SPOP: variants seen among roughly 807,000 people sequenced by gnomAD.
SPOP encodes speckle type BTB/POZ protein, also known as speckle-type POZ protein.
In SPOP, 11 loss-of-function variants were observed where a neutral mutation model predicts 45.6. That is an observed-to-expected ratio of 0.24 (90% CI 0.15 to 0.40). SPOP has a LOEUF of 0.40. Among genes scored for constraint, SPOP ranks in the 10% least tolerant of loss-of-function variants. The pLI is 1.00. For missense variants in SPOP, 152 were observed against 465.6 expected (o/e 0.33, Z 6.20); for synonymous variants, 166 against 166.3 (o/e 1.00, Z 0.01).
At chr17:49,622,662 G>T in intron 2 of SPOP, 71 bp downstream of exon 2, 1 of 1,341,970 alleles carries the variant, frequency 7.5e-7, no homozygotes, top group Non-Finnish European at 1.1e-6. Context: ...ATGTAGAAAA[G>T]CAATCCTACT....
chr17:49,618,638 A>G (rs1399256471), intron 5 of SPOP: 4 of 459,580 alleles, frequency 8.7e-6, no homozygotes, highest in Non-Finnish European at 1.3e-5. Flanking sequence ...CAGAAAGTAT[A>G]AACAACAGAT....
At chr17:49,610,500 T>A (rs1345233531) in intron 6 of SPOP, among the ~76,000 whole-genome samples, 1 of 152,246 alleles carries the variant, frequency 6.6e-6, no homozygotes, top group Non-Finnish European at 1.5e-5. Flanking sequence ...ATGACAGGCA[T>A]GAGCCACCGC....
At chr17:49,633,572 T>A (rs1030694834) in intron 1 of SPOP, among the ~76,000 whole-genome samples, 3 of 152,212 alleles carry the variant, frequency 2.0e-5, no homozygotes, top group African/African-American at 7.2e-5. Context: ...CAAGTTAAGT[T>A]AGGGCAGGGG....
chr17:49,677,925 C>G lies in SPOP; in HGVS notation c.-67+8G>C, dbSNP rs2073226563. The G allele has an allele frequency of 2.5e-6, 1 of 396,006 alleles. No homozygotes were observed. Among genetic ancestry groups the G allele is most frequent in the Non-Finnish European group, 4.5e-6 (1 of 224,598 alleles). The allele number at this position is 396,006 out of a possible 1,614,324, so 24.5% of individuals were successfully genotyped here. ...ACCCCCTCCCTCGACTCTCCTCCCCCCACTCACCTGAGAGCGGCGGCGACA... is the reference window on the plus strand; with the variant it reads ...ACCCCCTCCCTCGACTCTCCTCCCCGCACTCACCTGAGAGCGGCGGCGACA... On this transcript the variant is annotated splice_region_variant and intron_variant, in intron 1 of 9. Coordinates refer to ENST00000504102, the MANE Select transcript of SPOP (RefSeq NM_001007228.2).
Position 49,619,837 on chromosome 17 carries a change from C to T in SPOP, c.201-452G>A, listed in dbSNP as rs966042852. Among the ~76,000 whole-genome samples, 1 of 152,028 alleles carries T rather than the reference C, an allele frequency of 6.6e-6. No individual in the cohort carries two copies. Among genetic ancestry groups the T allele is most frequent in the Non-Finnish European group, 1.5e-5 (1 of 67,986 alleles). On this transcript the variant is annotated intron_variant, in intron 3 of 9. Transcript: ENST00000504102. This position sits in a 1 kb window ranked among gnomAD's most constrained non-coding sequence, Gnocchi z 4.9. ...ACCACACCTGGCTGGGAACCACTTT[C>T]GTAAAGCAAAATGGGTCACCTTTTA...
At chr17:49,675,267 A>G (rs1410684531) in intron 1 of SPOP, among the ~76,000 whole-genome samples, 3 of 152,242 alleles carry the variant, frequency 2.0e-5, no homozygotes, top group Admixed American at 1.3e-4. Flanking sequence ...CATCTACACA[A>G]TGGAATTATC....
intron 6 of SPOP, among the ~76,000 whole-genome samples, chr17:49,609,989 TAAG>T (rs2071934964): frequency 1.3e-5 from 2 of 151,868 alleles, no homozygotes; most frequent in Non-Finnish European, 2.9e-5. Flanking sequence ...GCAGGTGAGG[TAAG>T]AAGCAAGAGT....
At chr17:49,640,826 A>G (rs10853111) in intron 1 of SPOP, among the ~76,000 whole-genome samples, 96,825 of 151,956 alleles carry the variant, frequency 0.64, 31,369 homozygotes, top group East Asian at 0.78. Context: ...CCTCAGAATA[A>G]GCCCATTCCT....
intron 1 of SPOP, among the ~76,000 whole-genome samples, chr17:49,629,674 C>A (rs1440549562): frequency 6.6e-6 from 1 of 152,176 alleles, no homozygotes; most frequent in Non-Finnish European, 1.5e-5. Flanking sequence ...CAGAACTAGG[C>A]TAGAACACCC....
chr17:49,661,127 C>T (rs1032086464), intron 1 of SPOP, among the ~76,000 whole-genome samples: 7 of 152,158 alleles, frequency 4.6e-5, no homozygotes, highest in African/African-American at 1.2e-4. Context: ...TTATATGGCA[C>T]ACAGTACCTA....
chr17:49,611,679 G>C (rs1462657553), intron 5 of SPOP, among the ~76,000 whole-genome samples: 1 of 152,122 alleles, frequency 6.6e-6, no homozygotes, highest in Non-Finnish European at 1.5e-5. Context: ...AATAGGAAGA[G>C]AGCCCCACAA....
chr17:49,665,547 G>A (rs887696068), intron 1 of SPOP, among the ~76,000 whole-genome samples: 4 of 151,160 alleles, frequency 2.6e-5, no homozygotes, highest in Non-Finnish European at 4.4e-5. Flanking sequence ...CCCAGGAGGC[G>A]GAGCTTGCAG....
chr17:49,628,070 G>A (rs1487622738), intron 1 of SPOP, among the ~76,000 whole-genome samples: 2 of 152,204 alleles, frequency 1.3e-5, no homozygotes, highest in Non-Finnish European at 2.9e-5. Context: ...TTTTAGAAAA[G>A]AGGAGACCTA....
intron 1 of SPOP, among the ~76,000 whole-genome samples, chr17:49,676,536 A>G (rs2073201668): frequency 6.6e-6 from 1 of 152,236 alleles, no homozygotes; most frequent in South Asian, 2.1e-4. Flanking sequence ...ATCAAAGAAT[A>G]CAAACTAAAG....
rs2072289473 is a variant in SPOP at position 49,624,477 on chromosome 17, T to A, written c.-66-1601A>T. Among the ~76,000 whole-genome samples, 2 of 152,306 alleles carry A rather than the reference T, an allele frequency of 1.3e-5. 1 individual carries two copies. Among genetic ancestry groups the A allele is most frequent in the Middle Eastern group, 6.8e-3 (2 of 294 alleles). On this transcript the variant is annotated intron_variant, in intron 1 of 9. Coordinates refer to ENST00000504102, the MANE Select transcript of SPOP (RefSeq NM_001007228.2). ...TACCTCAAATATATACAATTTTTAC[T>A]ATTTTTTTTGAGACAGGGTCTCACT...
Position 49,600,572 on chromosome 17 carries a change from G to T in SPOP, c.981-50C>A. The T allele has an allele frequency of 6.2e-7, 1 of 1,606,356 alleles. No individual in the cohort carries two copies. The highest frequency in any genetic ancestry group is 1.1e-5 in the South Asian group (1 of 90,738). On this transcript the variant is annotated intron_variant, in intron 9 of 9. Transcript: ENST00000504102. The surrounding 1 kb of genome is among the most constrained non-coding windows in gnomAD (Gnocchi z 4.2). ...TTACCAAAGGGAGTGAGCAAGGGATGAATTCAACAGCCACCTAGATAGCCT... is the reference window on the plus strand; with the variant it reads ...TTACCAAAGGGAGTGAGCAAGGGATTAATTCAACAGCCACCTAGATAGCCT...
rs150218282 is a variant in SPOP at position 49,669,228 on chromosome 17, G to A, written c.-67+8705C>T. ...AATACAGGCGCCCGCCATCATGCCC[G>A]GATAATTTTTGCATTTTTAGTAGAG... On this transcript the variant is annotated intron_variant, in intron 1 of 9. Transcript: ENST00000504102. 6.0e-3 allele frequency among the ~76,000 whole-genome samples: 912 copies of A among 150,894 alleles called. 12 individuals are homozygous for A. The highest frequency in any genetic ancestry group is 0.021 in the African/African-American group (874 of 41,192).
chr17:49,665,028 T>C (rs1391694990), intron 1 of SPOP, among the ~76,000 whole-genome samples: 2 of 152,236 alleles, frequency 1.3e-5, no homozygotes, highest in Non-Finnish European at 1.5e-5. Context: ...ATAGGTTTCA[T>C]TTCCTTATGA....
chr17:49,629,944 A>G (rs567852143), intron 1 of SPOP, among the ~76,000 whole-genome samples: 1 of 152,366 alleles, frequency 6.6e-6, no homozygotes, highest in African/African-American at 2.4e-5. Context: ...TGACAAAAAT[A>G]GTTGAATATC....
Sources: allele counts gnomAD v4.1 joint callset (sites outside exome capture counted in the v4.1 genomes callset), GRCh38; gene constraint gnomAD v4.1.1; non-coding constraint Gnocchi (gnomAD v3.1); transcripts MANE v1.5; gene names NCBI Gene and HGNC (gene_info 2026-07-23, HGNC 2026-07-21).